KCNH7: variants seen among roughly 807,000 people sequenced by gnomAD.
KCNH7 encodes voltage-gated inwardly rectifying potassium channel KCNH7.
KCNH7 carries 49 observed loss-of-function variants against 120.8 expected under a neutral mutation model. The ratio of observed to expected loss-of-function variants is 0.41; its 90% confidence interval spans 0.32 to 0.51. The LOEUF is 0.51. Ranked by LOEUF, KCNH7 falls within the 20% of genes least tolerant of loss-of-function variation. KCNH7 has a pLI of 0.38. For synonymous variants in KCNH7, 547 were observed against 516.1 expected (o/e 1.06, Z -0.81); for missense variants, 1,097 against 1,446.6 (o/e 0.76, Z 3.92).
At chr2:162,406,826 G>A (rs779073150) in intron 9 of KCNH7, among the ~76,000 whole-genome samples, 1 of 151,910 alleles carries the variant, frequency 6.6e-6, no homozygotes, top group African/African-American at 2.4e-5. Context: ...CAACATAATG[G>A]ATTCTGTAAT....
chr2:162,741,018 G>A (rs970135403), intron 2 of KCNH7, among the ~76,000 whole-genome samples: 13 of 152,012 alleles, frequency 8.6e-5, no homozygotes, highest in Non-Finnish European at 1.9e-4. Flanking sequence ...CAAAAATCTT[G>A]CTATGATATA....
chr2:162,555,188 G>A (rs1054107805), intron 2 of KCNH7, among the ~76,000 whole-genome samples: 1 of 152,134 alleles, frequency 6.6e-6, no homozygotes, highest in African/African-American at 2.4e-5. Flanking sequence ...TTTTTGCAAG[G>A]ATGATATATT....
intron 2 of KCNH7, among the ~76,000 whole-genome samples, chr2:162,640,229 A>T (rs190543482): frequency 4.3e-4 from 66 of 152,292 alleles, no homozygotes; most frequent in African/African-American, 1.5e-3. Context: ...AAGCAAAGGA[A>T]GTAGAATAGT....
intron 6 of KCNH7, among the ~76,000 whole-genome samples, chr2:162,466,154 G>T (rs945084069): frequency 6.6e-6 from 1 of 152,128 alleles, no homozygotes; most frequent in African/African-American, 2.4e-5. Context: ...GCTAGCTAGA[G>T]TCTAAAAATG....
chr2:162,699,699 G>A (rs1686421205), intron 2 of KCNH7, among the ~76,000 whole-genome samples: 1 of 152,138 alleles, frequency 6.6e-6, no homozygotes, highest in Non-Finnish European at 1.5e-5. Context: ...AATGCTAACT[G>A]ACAAATGGAT....
chr2:162,411,438 T>C (rs965138792), intron 9 of KCNH7, among the ~76,000 whole-genome samples: 3 of 151,874 alleles, frequency 2.0e-5, no homozygotes, highest in African/African-American at 4.8e-5. Context: ...ATGGGAACAA[T>C]AGACATTGAG....
At chr2:162,722,515 C>A (rs573632055) in intron 2 of KCNH7, among the ~76,000 whole-genome samples, 1 of 151,962 alleles carries the variant, frequency 6.6e-6, no homozygotes, top group South Asian at 2.1e-4. Context: ...TCATTTTTCT[C>A]TTGGAGTTTT....
At chr2:162,543,528 CTG>C (rs1357998775) in intron 2 of KCNH7, among the ~76,000 whole-genome samples, 16 of 152,184 alleles carry the variant, frequency 1.1e-4, no homozygotes, top group Admixed American at 2.0e-4. Flanking sequence ...TTGACAATGA[CTG>C]AGATGCCAAC....
chr2:162,703,159 T>C (rs1686574271), intron 2 of KCNH7, among the ~76,000 whole-genome samples: 1 of 152,112 alleles, frequency 6.6e-6, no homozygotes, highest in Non-Finnish European at 1.5e-5. Context: ...TAAATCATAA[T>C]AGTTAATAAT....
chr2:162,567,210 TTATACTC>T (rs1379811701), intron 2 of KCNH7, among the ~76,000 whole-genome samples: 1 of 151,992 alleles, frequency 6.6e-6, no homozygotes, highest in Non-Finnish European at 1.5e-5. Flanking sequence ...ACATAACTCT[TTATACTC>T]TATCTTCTAA....
At chr2:162,753,077 A>G (rs574190591) in intron 2 of KCNH7, among the ~76,000 whole-genome samples, 1 of 151,278 alleles carries the variant, frequency 6.6e-6, no homozygotes, top group African/African-American at 2.4e-5. Context: ...TAAAGAAAAT[A>G]TTTGAACTTC....
At chr2:162,446,847 T>C (rs1688598559) in intron 6 of KCNH7, among the ~76,000 whole-genome samples, 3 of 152,096 alleles carry the variant, frequency 2.0e-5, no homozygotes, top group Admixed American at 2.0e-4. Flanking sequence ...TTGTTATGAA[T>C]AGAAGCAGTC....
chr2:162,690,573 T>C (rs1268261429), intron 2 of KCNH7, among the ~76,000 whole-genome samples: 1 of 152,120 alleles, frequency 6.6e-6, no homozygotes, highest in Admixed American at 6.6e-5. Flanking sequence ...GATTAAAAAA[T>C]ACTTGAGGAG....
intron 2 of KCNH7, among the ~76,000 whole-genome samples, chr2:162,647,331 C>T (rs1421575278): frequency 6.6e-6 from 1 of 152,100 alleles, no homozygotes; most frequent in Admixed American, 6.5e-5. Context: ...TACTTAATAG[C>T]TACAGTAAAA....
chr2:162,372,028 T>A lies in KCNH7; in HGVS notation c.3392A>T (p.His1131Leu), dbSNP rs751204689. The change falls in exon 16 of 16, where the codon CAT (histidine) becomes CTT (leucine). Residue 1131 changes from histidine to leucine, a missense_variant. Physicochemically the swap from His to Leu is moderately conservative, Grantham distance 99. This residue lies in a region of KCNH7 where 406 missense variants were observed against 410.5 expected (regional missense o/e 0.99). Transcript: ENST00000332142. ...KSKESLSSGV[H>L]LNTASEDNLT... ...GTTGTCTTCTGAAGCTGTGTTCAGA[T>A]GCACCCCACTTGAAAGGGATTCTTT... The A allele has an allele frequency of 6.2e-7, 1 of 1,612,546 alleles. No individual in the cohort carries two copies. Among genetic ancestry groups the A allele is most frequent in the Non-Finnish European group, 8.5e-7 (1 of 1,178,668 alleles).
chr2:162,781,610 G>A (rs1206946734), intron 2 of KCNH7, among the ~76,000 whole-genome samples: 1 of 152,054 alleles, frequency 6.6e-6, no homozygotes, highest in East Asian at 1.9e-4. Flanking sequence ...AGTAAGTAAA[G>A]GTGTTTTTGG....
intron 2 of KCNH7, among the ~76,000 whole-genome samples, chr2:162,578,048 G>A (rs772954106): frequency 2.0e-5 from 3 of 151,906 alleles, no homozygotes; most frequent in Admixed American, 6.6e-5. Context: ...CAAAATCCAT[G>A]ATCCTTCCAC....
At chr2:162,706,559 A>C (rs1250256812) in intron 2 of KCNH7, among the ~76,000 whole-genome samples, 2 of 152,202 alleles carry the variant, frequency 1.3e-5, no homozygotes, top group East Asian at 3.9e-4. Context: ...ATAAGAGTAA[A>C]ACAATGTTTT....
chr2:162,548,153 G>A (rs1024961007), intron 2 of KCNH7, among the ~76,000 whole-genome samples: 7 of 152,142 alleles, frequency 4.6e-5, no homozygotes, highest in African/African-American at 1.7e-4. Context: ...ACGATATCCT[G>A]GAAAATTAGT....
Sources: gnomAD v4.1 joint callset for allele counts (sites outside exome capture counted in the v4.1 genomes callset) on GRCh38, gnomAD v4.1.1 for gene constraint, gnomAD v4.1.1 regional missense constraint, MANE v1.5 for transcripts, NCBI Gene and HGNC (gene_info 2026-07-23, HGNC 2026-07-21) for gene names.